BTRC: variants seen among roughly 807,000 people sequenced by gnomAD.
The protein encoded by BTRC is F-box/WD repeat-containing protein 1A.
Under a neutral mutation model 85.5 loss-of-function variants are expected in BTRC, and 42 were observed. That is an observed-to-expected ratio of 0.49 (90% CI 0.38 to 0.64). The LOEUF (loss-of-function observed/expected upper bound fraction) is 0.64. BTRC is among the 30% of genes least tolerant of loss of function. The pLI is 0.00. For synonymous variants in BTRC, 255 were observed against 263.3 expected (o/e 0.97, Z 0.30); for missense variants, 594 against 743.5 (o/e 0.80, Z 2.34).
At chr10:101,518,421 T>C (rs989210697) in intron 4 of BTRC, among the ~76,000 whole-genome samples, 3 of 152,180 alleles carry the variant, frequency 2.0e-5, no homozygotes, top group Non-Finnish European at 4.4e-5. Flanking sequence ...CTCAGCGCTC[T>C]AAGGAGTAAG....
At chr10:101,379,433 C>A (rs1018803691) in intron 1 of BTRC, among the ~76,000 whole-genome samples, 1 of 152,130 alleles carries the variant, frequency 6.6e-6, no homozygotes, top group African/African-American at 2.4e-5. Context: ...CGTGATTTAT[C>A]TCATTTAGAC....
intron 14 of BTRC, among the ~76,000 whole-genome samples, chr10:101,552,619 T>C (rs934288595): frequency 3.3e-5 from 5 of 152,104 alleles, no homozygotes; most frequent in Middle Eastern, 3.2e-3. Flanking sequence ...TCTGCCTTAA[T>C]CTCCAGGCCA....
At chr10:101,408,505 C>T (rs1335490486) in intron 1 of BTRC, among the ~76,000 whole-genome samples, 1 of 151,988 alleles carries the variant, frequency 6.6e-6, no homozygotes, top group Admixed American at 6.6e-5. Context: ...CAGAGTTTTG[C>T]CATGTTGCCC....
intron 1 of BTRC, among the ~76,000 whole-genome samples, chr10:101,410,392 G>C (rs976260975): frequency 3.3e-5 from 5 of 152,070 alleles, no homozygotes; most frequent in Admixed American, 3.3e-4. Flanking sequence ...CAAGGTGGGC[G>C]GATCATGAGG....
chr10:101,517,768 A>T (rs1412165514), intron 4 of BTRC, among the ~76,000 whole-genome samples: 3 of 152,134 alleles, frequency 2.0e-5, no homozygotes, highest in African/African-American at 7.2e-5. Context: ...TTTTTCTCAT[A>T]CTCATATCCA....
intron 1 of BTRC, chr10:101,354,565 C>T (rs1400831948): frequency 2.9e-6 from 1 of 343,258 alleles, no homozygotes; most frequent in Non-Finnish European, 5.3e-6. Flanking sequence ...TCTGGAGAAA[C>T]GCCGTGAGGC....
chr10:101,556,507 T>G lies in BTRC; in HGVS notation c.*3384T>G, dbSNP rs377191200. 6.6e-6 allele frequency: 1 copy of G among 152,288 alleles called. No individual in the cohort carries two copies. The allele number at this position is 152,288 out of a possible 1,614,324, so 9.4% of individuals were successfully genotyped here. On this transcript the variant is annotated 3_prime_UTR_variant, in exon 15 of 15. Transcript: ENST00000370187. ...TGTAGCAGAGCAGTCCAACCCAGAT[T>G]AGTGCAGCCCGGAGGCTTAGGGTGC...
At chr10:101,446,470 T>C (rs570264739) in intron 2 of BTRC, among the ~76,000 whole-genome samples, 3 of 152,192 alleles carry the variant, frequency 2.0e-5, no homozygotes, top group Non-Finnish European at 4.4e-5. Context: ...GGCTTCTATT[T>C]GGTTGTAATT....
intron 6 of BTRC, among the ~76,000 whole-genome samples, chr10:101,530,655 A>G (rs1413734820): frequency 6.6e-5 from 10 of 152,278 alleles, no homozygotes; most frequent in Non-Finnish European, 4.4e-5. Flanking sequence ...TACTGATATT[A>G]TAATATTCCT....
intron 2 of BTRC, among the ~76,000 whole-genome samples, chr10:101,461,620 G>A (rs12266978): frequency 0.022 from 3,391 of 152,234 alleles, 127 homozygotes; most frequent in African/African-American, 0.076. Flanking sequence ...CTATAATCGA[G>A]AGAAGGTAAT....
intron 1 of BTRC, among the ~76,000 whole-genome samples, chr10:101,386,523 A>G (rs1358975239): frequency 1.3e-5 from 2 of 152,268 alleles, no homozygotes; most frequent in Admixed American, 6.5e-5. Context: ...CACTTTGGCC[A>G]GAAAACCTGG....
intron 1 of BTRC, among the ~76,000 whole-genome samples, chr10:101,382,487 G>T (rs1316594239): frequency 6.6e-6 from 1 of 151,274 alleles, no homozygotes; most frequent in Non-Finnish European, 1.5e-5. Context: ...TTAGATCAGG[G>T]TAAAAAATTT....
At position 101,532,806 on chromosome 10, in the gene BTRC, GCGCGCT is replaced by G. The variant is rs2062318389; in HGVS notation, c.979-145_979-140del. Reference sequence around the variant, plus strand: ...TGTGTGTGTGCGCGTGTGCGCGCGCGCGCGCTTAGCTATACCTATAGAAAATGCATT... The same window carrying G: ...TGTGTGTGTGCGCGTGTGCGCGCGCGTAGCTATACCTATAGAAAATGCATT... On this transcript the variant is annotated intron_variant, in intron 8 of 14. Transcript: ENST00000370187. The G allele has an allele frequency of 1.8e-5, 12 of 662,944 alleles. No individual in the cohort carries two copies. The Admixed American group carries it at 2.9e-4, about 16-fold the overall frequency. 41.1% of individuals were successfully genotyped at this position (662,944 alleles called of 1,614,324 possible).
At chr10:101,487,279 C>T (rs1450915074) in intron 4 of BTRC, among the ~76,000 whole-genome samples, 2 of 152,132 alleles carry the variant, frequency 1.3e-5, no homozygotes, top group African/African-American at 2.4e-5. Context: ...TTTCTTATGC[C>T]AACCCATTTC....
At chr10:101,475,771 A>T (rs1249789158) in intron 3 of BTRC, among the ~76,000 whole-genome samples, 1 of 151,802 alleles carries the variant, frequency 6.6e-6, no homozygotes, top group East Asian at 1.9e-4. Flanking sequence ...AATTCCAGTT[A>T]ATGTGGAAGG....
At chr10:101,523,436 G>C (rs9420855) in intron 5 of BTRC, among the ~76,000 whole-genome samples, 55,818 of 151,786 alleles carry the variant, frequency 0.37, 11,491 homozygotes, top group Middle Eastern at 0.48. Context: ...GCTATTTCAG[G>C]AAAATAGGAG....
intron 4 of BTRC, among the ~76,000 whole-genome samples, chr10:101,508,393 A>G (rs1421642713): frequency 1.3e-5 from 2 of 152,182 alleles, no homozygotes; most frequent in African/African-American, 2.4e-5. Context: ...ATGTTCACTA[A>G]TCAGATTTGA....
At chr10:101,499,670 C>CT (rs1195741966) in intron 4 of BTRC, among the ~76,000 whole-genome samples, 2 of 151,714 alleles carry the variant, frequency 1.3e-5, no homozygotes, top group African/African-American at 4.9e-5. Context: ...CCCATTCTCA[C>CT]TGCTGCTCTC....
intron 13 of BTRC, among the ~76,000 whole-genome samples, chr10:101,549,580 G>T (rs1489850838): frequency 6.6e-6 from 1 of 151,688 alleles, no homozygotes; most frequent in East Asian, 1.9e-4. Flanking sequence ...CAGGTGTGGT[G>T]GCAGGCGCCT....
Sources: allele counts gnomAD v4.1 joint callset (sites outside exome capture counted in the v4.1 genomes callset), GRCh38; gene constraint gnomAD v4.1.1; transcripts MANE v1.5; gene names NCBI Gene and HGNC (gene_info 2026-07-23, HGNC 2026-07-21).